Variants in TTLL5 observed in about 807,000 individuals in gnomAD.
The protein encoded by TTLL5 is tubulin polyglutamylase TTLL5.
Under a neutral mutation model 168.4 loss-of-function variants are expected in TTLL5, and 132 were observed. The observed-to-expected ratio is 0.78, with a 90% CI of 0.68 to 0.91. The LOEUF (loss-of-function observed/expected upper bound fraction) is 0.91, where lower values mean the gene tolerates loss of function less well. Ranked by LOEUF, TTLL5 falls within the 40% of genes least tolerant of loss-of-function variation. The pLI, the probability that TTLL5 is intolerant of heterozygous loss-of-function variation, is 0.00. For synonymous variants in TTLL5, 546 were observed against 558.6 expected, an observed-to-expected ratio of 0.98 and a Z score of 0.32; for missense variants, 1,545 against 1,581.5, an observed-to-expected ratio of 0.98 and a Z score of 0.39.
At chr14:75,925,488 C>T (rs1458428999) in intron 31 of TTLL5, among the ~76,000 whole-genome samples, 1 of 141,756 alleles carries the variant, frequency 7.1e-6, no homozygotes, top group Non-Finnish European at 1.5e-5. Context: ...ACATCTCAGG[C>T]GATGGGCGGC....
chr14:75,852,127 A>G (rs1476825889), intron 28 of TTLL5, among the ~76,000 whole-genome samples: 1 of 152,304 alleles, frequency 6.6e-6, no homozygotes, highest in East Asian at 1.9e-4. Flanking sequence ...TTCTAGTGGT[A>G]GAGCTAGGAT....
chr14:75,823,226 A>G (rs189191616), intron 28 of TTLL5, among the ~76,000 whole-genome samples: 2 of 152,244 alleles, frequency 1.3e-5, no homozygotes, highest in East Asian at 3.9e-4. Context: ...CCAATGAGAA[A>G]GATTAGATTT....
chr14:75,942,691 A>G (rs1054080933), intron 31 of TTLL5, among the ~76,000 whole-genome samples: 2 of 152,182 alleles, frequency 1.3e-5, no homozygotes, highest in Non-Finnish European at 2.9e-5. Context: ...TACCTTGGCA[A>G]ATGTTGATCA....
intron 27 of TTLL5, among the ~76,000 whole-genome samples, chr14:75,812,144 C>G: frequency 6.6e-6 from 1 of 152,098 alleles, no homozygotes; most frequent in East Asian, 1.9e-4. Flanking sequence ...CTGAGGTCAC[C>G]GTGGCAATGG....
At chr14:75,754,102 A>T (rs550846828) in intron 18 of TTLL5, among the ~76,000 whole-genome samples, 105 of 152,300 alleles carry the variant, frequency 6.9e-4, no homozygotes, top group African/African-American at 2.3e-3. Flanking sequence ...TTCCAAAACT[A>T]AATTAATCTT....
intron 27 of TTLL5, among the ~76,000 whole-genome samples, chr14:75,810,243 A>G (rs1893912306): frequency 6.6e-6 from 1 of 152,188 alleles, no homozygotes; most frequent in South Asian, 2.1e-4. Flanking sequence ...ACCTGCTACA[A>G]TGAGGAAATT....
chr14:75,941,590 G>A (rs1201950811), intron 31 of TTLL5: 1 of 151,948 alleles, frequency 6.6e-6, no homozygotes, highest in Non-Finnish European at 1.5e-5. Flanking sequence ...AATAACTTTG[G>A]TTATATGTTC....
chr14:75,745,102 GTC>G lies in TTLL5; in HGVS notation c.1290_1291del (p.Pro431ThrfsTer5), dbSNP rs1468582725. On this transcript the variant is annotated frameshift_variant, in exon 16 of 32. Coordinates refer to ENST00000298832, the MANE Select transcript of TTLL5 (RefSeq NM_015072.5). LOFTEE classifies it high-confidence loss of function. ...TCATTTTCTTCTCCTTAGCGTTGCC[GTC>G]CACTCTCTGCCAGTGATGCGGAAAT... 1 of 1,613,632 alleles carries G rather than the reference GTC, an allele frequency of 6.2e-7. No homozygotes were observed. Among genetic ancestry groups the G allele is most frequent in the Non-Finnish European group, 8.5e-7 (1 of 1,179,788 alleles).
At chr14:75,719,703 A>G (rs763389299) in intron 10 of TTLL5, 32 bp from the exon 11 acceptor site, 101 of 1,574,050 alleles carry the variant, frequency 6.4e-5, no homozygotes, top group Non-Finnish European at 8.4e-5. Context: ...GCCTAGTTAC[A>G]TATGTGACTT....
rs528956897 is a variant in TTLL5, at chr14:75,772,957, G to A, written c.2136+1103G>A. On this transcript the variant is annotated intron_variant, in intron 21 of 31. Transcript: ENST00000298832. ...GCTGGGATTATAGGTATGAGCCAGCGCGCCTGGCCCCATATTCTTTTTAAT... is the reference window on the plus strand; with the variant it reads ...GCTGGGATTATAGGTATGAGCCAGCACGCCTGGCCCCATATTCTTTTTAAT... Among the ~76,000 whole-genome samples, 32 of 152,208 alleles carry A rather than the reference G, an allele frequency of 2.1e-4. No homozygotes were observed. In the East Asian group the frequency reaches 5.2e-3, roughly 25 times the overall value.
chr14:75,920,968 A>T (rs1426643309), intron 31 of TTLL5, among the ~76,000 whole-genome samples: 1 of 152,202 alleles, frequency 6.6e-6, no homozygotes, highest in Admixed American at 6.5e-5. Flanking sequence ...CATTTCTCTG[A>T]TGACCAGTGA....
At chr14:75,738,161 C>T (rs1282128359) in intron 15 of TTLL5, among the ~76,000 whole-genome samples, 3 of 152,190 alleles carry the variant, frequency 2.0e-5, no homozygotes, top group African/African-American at 7.2e-5. Flanking sequence ...GAATGATCAG[C>T]ATTTGCTTTC....
At chr14:75,743,125 T>C (rs1410476488) in intron 15 of TTLL5, among the ~76,000 whole-genome samples, 1 of 152,240 alleles carries the variant, frequency 6.6e-6, no homozygotes, top group Non-Finnish European at 1.5e-5. Flanking sequence ...ATGTTGAAGA[T>C]ACCACAGTAA....
At chr14:75,758,187 C>T (rs1890403249) in intron 18 of TTLL5, among the ~76,000 whole-genome samples, 1 of 152,192 alleles carries the variant, frequency 6.6e-6, no homozygotes, top group Non-Finnish European at 1.5e-5. Flanking sequence ...TTGGCCTTGA[C>T]ATACCTGAGG....
chr14:75,714,540 T>C (rs1300180734), intron 9 of TTLL5, among the ~76,000 whole-genome samples: 1 of 152,214 alleles, frequency 6.6e-6, no homozygotes, highest in East Asian at 1.9e-4. Flanking sequence ...TATTTATTCA[T>C]CTATTTATTT....
intron 9 of TTLL5, chr14:75,712,231 C>G (rs1178706345): frequency 6.6e-6 from 1 of 151,904 alleles, no homozygotes; most frequent in African/African-American, 2.4e-5. Context: ...CAGGATGAAA[C>G]CCAGTGGCTC....
chr14:75,676,154 G>A (rs1884137628), intron 3 of TTLL5, among the ~76,000 whole-genome samples: 1 of 152,068 alleles, frequency 6.6e-6, no homozygotes, highest in South Asian at 2.1e-4. Context: ...CATTTGGGAG[G>A]GTAATCTGCT....
intron 9 of TTLL5, among the ~76,000 whole-genome samples, chr14:75,713,162 G>A (rs11845490): frequency 1.6e-3 from 247 of 152,306 alleles, no homozygotes; most frequent in African/African-American, 5.5e-3. Context: ...TTATAACAAT[G>A]GGCAAGGAAG....
intron 3 of TTLL5, among the ~76,000 whole-genome samples, chr14:75,675,072 C>T (rs761468947): frequency 1.6e-4 from 24 of 152,052 alleles, no homozygotes; most frequent in Admixed American, 5.9e-4. Flanking sequence ...GTTTCTTCCC[C>T]TCCCCACAGG....
Sources: gnomAD v4.1 joint callset for allele counts (sites outside exome capture counted in the v4.1 genomes callset) on GRCh38, gnomAD v4.1.1 for gene constraint, MANE v1.5 for transcripts, NCBI Gene and HGNC (gene_info 2026-07-23, HGNC 2026-07-21) for gene names.